PAPPA: variants seen among roughly 807,000 people sequenced by gnomAD.
PAPPA encodes the protein pappalysin-1.
In PAPPA, 60 loss-of-function variants were observed where a neutral mutation model predicts 164.0. The observed-to-expected ratio is 0.37, with a 90% confidence interval of 0.30 to 0.45. The LOEUF is 0.45. Ranked by LOEUF, PAPPA falls within the 20% of genes least tolerant of loss-of-function variation. The probability of loss-of-function intolerance (pLI) is 1.00; values close to 1 mark genes in which losing one functional copy is unlikely to be tolerated. For synonymous variants in PAPPA, 875 were observed against 814.1 expected, an observed-to-expected ratio of 1.07 and a Z score of -1.27; for missense variants, 1,782 against 2,087.3, an observed-to-expected ratio of 0.85 and a Z score of 2.85.
intron 4 of PAPPA, among the ~76,000 whole-genome samples, chr9:116,217,395 A>C (rs376086867): frequency 1.3e-5 from 2 of 152,240 alleles, no homozygotes; most frequent in East Asian, 1.9e-4. Context: ...ATTCTGTTCT[A>C]TGTCTGTGCC....
chr9:116,328,894 G>A (rs1446862037), intron 10 of PAPPA, among the ~76,000 whole-genome samples: 2 of 152,118 alleles, frequency 1.3e-5, no homozygotes, highest in East Asian at 3.8e-4. Flanking sequence ...CCACATTTTG[G>A]TTATCTGTAT....
intron 9 of PAPPA, among the ~76,000 whole-genome samples, chr9:116,299,372 C>T (rs891958100): frequency 6.6e-6 from 1 of 152,120 alleles, no homozygotes; most frequent in Non-Finnish European, 1.5e-5. Flanking sequence ...TCTATTTCTA[C>T]CTTTCCTCCA....
rs185455475 is a variant in PAPPA at position 116,381,771 on chromosome 9, A to G, written c.4678-624A>G. ...TCCGCATCTTCATCTGTAGAGTGAG[A>G]AAACCAATACCTACCTCACTTATTG... On this transcript the variant is annotated intron_variant, in intron 20 of 21. Coordinates refer to ENST00000328252, the MANE Select transcript of PAPPA (RefSeq NM_002581.5). 2.0e-5 allele frequency among the ~76,000 whole-genome samples: 3 copies of G among 152,298 alleles called. No individual in the cohort carries two copies. In the East Asian group the frequency reaches 5.8e-4, roughly 29 times the overall value.
chr9:116,339,536 AT>A (rs1186087870), intron 13 of PAPPA, among the ~76,000 whole-genome samples: 3 of 152,200 alleles, frequency 2.0e-5, no homozygotes, highest in Non-Finnish European at 4.4e-5. Flanking sequence ...AGGTCCTAGC[AT>A]AGTAGCTCTT....
At chr9:116,238,360 T>C (rs536518537) in intron 7 of PAPPA, among the ~76,000 whole-genome samples, 40 of 152,292 alleles carry the variant, frequency 2.6e-4, no homozygotes, top group African/African-American at 9.1e-4. Flanking sequence ...ATTTGGATGC[T>C]AGTTAAAGTT....
At chr9:116,171,581 G>C (rs879575314) in intron 1 of PAPPA, among the ~76,000 whole-genome samples, 2 of 151,490 alleles carry the variant, frequency 1.3e-5, no homozygotes, top group African/African-American at 4.9e-5. Flanking sequence ...AACAGTATCA[G>C]TAGCTCAAAC....
Position 116,353,731 on chromosome 9 carries a change from A to T in PAPPA, c.4285A>T (p.Thr1429Ser). 3.1e-6 allele frequency: 5 copies of T among 1,614,142 alleles called. No individual in the cohort carries two copies. The highest frequency in any genetic ancestry group is 4.2e-6 in the Non-Finnish European group (5 of 1,179,990). Residue 1429 changes from threonine to serine, a missense_variant, in exon 17 of 22, where the codon ACT becomes TCT. Physicochemically the swap from Thr to Ser is moderately conservative, Grantham distance 58. This residue lies in a region of PAPPA where 1,324 missense variants were observed against 1,656.9 expected (regional missense o/e 0.80). Coordinates refer to ENST00000328252, the MANE Select transcript of PAPPA (RefSeq NM_002581.5). ...AAAATTCCATGGGCTCTACCAGTGT[A>T]CTAATGGCTTCCAGTTCAACAGTGA... ...PPKFHGLYQC[T>S]NGFQFNSECR... is the part of the protein sequence containing the mutation.
chr9:116,313,686 C>G (rs1845751315), intron 10 of PAPPA, among the ~76,000 whole-genome samples: 1 of 152,150 alleles, frequency 6.6e-6, no homozygotes, highest in Admixed American at 6.5e-5. Context: ...TGAAAATGTT[C>G]TACATATGAA....
At chr9:116,313,511 G>T (rs1845749183) in intron 10 of PAPPA, among the ~76,000 whole-genome samples, 1 of 152,222 alleles carries the variant, frequency 6.6e-6, no homozygotes, top group African/African-American at 2.4e-5. Context: ...TGGTGGCAAG[G>T]GGTCCAGGAA....
chr9:116,212,281 T>C (rs998914847), intron 4 of PAPPA, among the ~76,000 whole-genome samples: 1 of 152,202 alleles, frequency 6.6e-6, no homozygotes, highest in Non-Finnish European at 1.5e-5. Context: ...GCTTTGGACT[T>C]TGCAAAGAGA....
intron 20 of PAPPA, among the ~76,000 whole-genome samples, chr9:116,381,736 T>A (rs1846734143): frequency 6.6e-6 from 1 of 152,232 alleles, no homozygotes; most frequent in Non-Finnish European, 1.5e-5. Flanking sequence ...CAAGTCCCTG[T>A]CTTTGAGTCT....
intron 2 of PAPPA, among the ~76,000 whole-genome samples, chr9:116,191,233 C>A (rs184365730): frequency 5.3e-5 from 8 of 152,250 alleles, no homozygotes; most frequent in Non-Finnish European, 8.8e-5. Context: ...TAGATGATAT[C>A]ATCTCCAGTC....
In PAPPA at chr9:116,397,805, A is replaced by G. The variant is rs1404065002; in HGVS notation, c.*1189A>G. 1 of 152,668 alleles carries G rather than the reference A, an allele frequency of 6.6e-6. No individual in the cohort carries two copies. Among genetic ancestry groups the G allele is most frequent in the African/African-American group, 2.4e-5 (1 of 41,458 alleles). 9.5% of individuals were successfully genotyped at this position (152,668 alleles called of 1,614,324 possible). ...CATCCAGAGACTACTGGAATTGTCG[A>G]GACTTTTGGATTATTATCCTTATCC... On this transcript the variant is annotated 3_prime_UTR_variant, in exon 22 of 22. Transcript: ENST00000328252.
chr9:116,365,550 C>T (rs945098122), intron 18 of PAPPA, among the ~76,000 whole-genome samples: 2 of 51,752 alleles, frequency 3.9e-5, no homozygotes, highest in Non-Finnish European at 9.1e-5. Context: ...TTTTGACAAC[C>T]GTTTTTTTTT....
intron 2 of PAPPA, among the ~76,000 whole-genome samples, chr9:116,190,370 G>T (rs187512431): frequency 2.0e-5 from 3 of 152,132 alleles, no homozygotes; most frequent in African/African-American, 7.2e-5. Context: ...AAATGTTTAT[G>T]CAGCACCTGC....
intron 3 of PAPPA, among the ~76,000 whole-genome samples, chr9:116,210,585 C>A (rs117303549): frequency 6.6e-6 from 1 of 152,300 alleles, no homozygotes; most frequent in East Asian, 1.9e-4. Flanking sequence ...TCTCTGGCAG[C>A]CTGTATGCAT....
rs769671615 is a variant in PAPPA, at chr9:116,328,830, T to C, written c.3148-2414T>C. Among the ~76,000 whole-genome samples the C allele has an allele frequency of 1.6e-4, 25 of 152,154 alleles. 1 individual carries two copies. Among genetic ancestry groups the C allele is most frequent in the Non-Finnish European group, 1.2e-4 (8 of 68,030 alleles). On this transcript the variant is annotated intron_variant, in intron 10 of 21. Transcript: ENST00000328252. ...CCTATTGTCTAACCCAACATTCGGA[T>C]GTGCAAGGTAAACTAAGGGCCAAAA...
intron 7 of PAPPA, among the ~76,000 whole-genome samples, chr9:116,242,871 C>T (rs1438448564): frequency 1.3e-5 from 2 of 152,138 alleles, no homozygotes; most frequent in Non-Finnish European, 1.5e-5. Flanking sequence ...CTTTTTTACC[C>T]ACTTTGATGG....
chr9:116,270,860 T>G (rs1845127828), intron 8 of PAPPA, among the ~76,000 whole-genome samples: 1 of 151,906 alleles, frequency 6.6e-6, no homozygotes, highest in African/African-American at 2.4e-5. Context: ...AAAAAAAAGT[T>G]ACCTTTAAGT....
Sources: gnomAD v4.1 joint callset for allele counts (sites outside exome capture counted in the v4.1 genomes callset) on GRCh38, gnomAD v4.1.1 for gene constraint, gnomAD v4.1.1 regional missense constraint, MANE v1.5 for transcripts, NCBI Gene and HGNC (gene_info 2026-07-23, HGNC 2026-07-21) for gene names.